The following BCL7A variants were observed in gnomAD, a reference collection of about 807,000 sequenced individuals.
BCL7A encodes the protein BAF chromatin remodeling complex subunit BCL7A.
Under a neutral mutation model 28.4 loss-of-function variants are expected in BCL7A, and 11 were observed. That is an observed-to-expected ratio of 0.39 (90% CI 0.24 to 0.64). The LOEUF (loss-of-function observed/expected upper bound fraction) is 0.64. BCL7A is among the 30% of genes least tolerant of loss of function. The pLI is 0.50. For synonymous variants in BCL7A, 123 were observed against 103.3 expected (o/e 1.19, Z -1.15); for missense variants, 222 against 274.8 (o/e 0.81, Z 1.36).
chr12:122,028,778 G>A lies in BCL7A; in HGVS notation c.93-1922G>A, dbSNP rs576328549. Among the ~76,000 whole-genome samples, 16 of 152,038 alleles carry A rather than the reference G, an allele frequency of 1.1e-4. 1 individual carries two copies. The South Asian group carries it at 1.7e-3, about 16-fold the overall frequency. On this transcript the variant is annotated intron_variant, in intron 1 of 5. Transcript: ENST00000261822. ...CTGTTGGGAATCCCAGGGAGAGAGG[G>A]TGTGTAAGTAGAGTGCTTGGCGTGG...
Position 122,043,869 on chromosome 12 carries a change from G to T in BCL7A, c.272-17G>T, listed in dbSNP as rs746847373. ...CTGTGGGATTTCATCCTGTGGTTCT[G>T]TTCCCACCCCCTACAGACGATAACA... On this transcript the variant is annotated splice_polypyrimidine_tract_variant and intron_variant, in intron 3 of 5. Transcript: ENST00000261822. 2.5e-6 allele frequency: 4 copies of T among 1,600,552 alleles called. No homozygotes were observed. The South Asian group carries it at 4.5e-5, about 18-fold the overall frequency.
chr12:122,029,855 G>A lies in BCL7A; in HGVS notation c.93-845G>A, dbSNP rs1450741383. Among the ~76,000 whole-genome samples the A allele has an allele frequency of 2.6e-5, 4 of 152,112 alleles. No homozygotes were observed. Among genetic ancestry groups the A allele is most frequent in the Admixed American group, 6.6e-5 (1 of 15,262 alleles). ...GAGGTGGCTGGCTGTAGCAATAATCGGAAAAATGACAGTGGCTCGGAGCAG... is the reference window on the plus strand; with the variant it reads ...GAGGTGGCTGGCTGTAGCAATAATCAGAAAAATGACAGTGGCTCGGAGCAG... On this transcript the variant is annotated intron_variant, in intron 1 of 5. Coordinates refer to ENST00000261822, the MANE Select transcript of BCL7A (RefSeq NM_001024808.3). The surrounding 1 kb of genome is among the most constrained non-coding windows in gnomAD (Gnocchi z 4.3).
intron 1 of BCL7A, among the ~76,000 whole-genome samples, chr12:122,025,966 A>AAAGAAG (rs1555222585): frequency 3.5e-5 from 4 of 112,902 alleles, no homozygotes; most frequent in Non-Finnish European, 5.3e-5. Flanking sequence ...AAAAAAAAAA[A>AAAGAAG]AAGAAGAAAG....
At chr12:122,058,342 G>A (rs1428037168) in intron 5 of BCL7A, among the ~76,000 whole-genome samples, 1 of 151,066 alleles carries the variant, frequency 6.6e-6, no homozygotes, top group Non-Finnish European at 1.5e-5. Context: ...TGGAGACATG[G>A]TGAAACCCTG....
chr12:122,027,252 T>C (rs912613348), intron 1 of BCL7A, among the ~76,000 whole-genome samples: 12 of 152,254 alleles, frequency 7.9e-5, no homozygotes, highest in African/African-American at 2.9e-4. Flanking sequence ...GAAGTCTGGA[T>C]TCTTATGCAA....
In BCL7A at chr12:122,025,782, C is replaced by T. The variant is rs200335204; in HGVS notation, c.92+3599C>T. Reference sequence around the variant, plus strand: ...CCAACATGGTGAAACCCTGTCTCTACTAAAAATACAAAAAATTAGCTGGAT... The same window carrying T: ...CCAACATGGTGAAACCCTGTCTCTATTAAAAATACAAAAAATTAGCTGGAT... On this transcript the variant is annotated intron_variant, in intron 1 of 5. Transcript: ENST00000261822. 2.7e-5 allele frequency among the ~76,000 whole-genome samples: 4 copies of T among 150,334 alleles called. No homozygotes were observed. The East Asian group carries it at 7.9e-4, about 30-fold the overall frequency.
At position 122,029,464 on chromosome 12, in the gene BCL7A, CA is replaced by C. The variant is rs1883696708; in HGVS notation, c.93-1229del. The stretch of plus-strand genomic sequence containing the variant: ...TAAGGCTGAGTTTGGGCAGAGAGGC[CA>C]AAAAAAGGTGCCAGGCAGCTCACGG... On this transcript the variant is annotated intron_variant, in intron 1 of 5. Coordinates refer to ENST00000261822, the MANE Select transcript of BCL7A (RefSeq NM_001024808.3). The surrounding 1 kb of genome is among the most constrained non-coding windows in gnomAD (Gnocchi z 4.3). 6.6e-6 allele frequency among the ~76,000 whole-genome samples: 1 copy of C among 151,950 alleles called. No individual in the cohort carries two copies. The highest frequency in any genetic ancestry group is 1.5e-5 in the Non-Finnish European group (1 of 67,960).
At chr12:122,023,299 G>A (rs569399958) in intron 1 of BCL7A, among the ~76,000 whole-genome samples, 3 of 152,310 alleles carry the variant, frequency 2.0e-5, no homozygotes, top group Admixed American at 6.5e-5. Context: ...CCGCCGCAAC[G>A]CTGGCTCTGA....
chr12:122,053,291 C>A (rs925514736), intron 4 of BCL7A, among the ~76,000 whole-genome samples: 1 of 152,316 alleles, frequency 6.6e-6, no homozygotes, highest in South Asian at 2.1e-4. Context: ...CCGCCGCGCC[C>A]GGCCAGGGCT....
At chr12:122,025,017 T>C (rs1883584970) in intron 1 of BCL7A, among the ~76,000 whole-genome samples, 1 of 143,222 alleles carries the variant, frequency 7.0e-6, no homozygotes, top group African/African-American at 2.6e-5. Context: ...GCAGGCTGCC[T>C]CCTGTTCTCT....
chr12:122,048,479 A>G (rs1201398175), intron 4 of BCL7A, among the ~76,000 whole-genome samples: 1 of 152,008 alleles, frequency 6.6e-6, no homozygotes, highest in Non-Finnish European at 1.5e-5. Flanking sequence ...GGCCGGGTGC[A>G]GTGGCTCATG....
intron 1 of BCL7A, among the ~76,000 whole-genome samples, chr12:122,024,462 G>GTT (rs59459424): frequency 0.01 from 890 of 88,702 alleles, 13 homozygotes; most frequent in African/African-American, 0.034. Context: ...GAGGTTTTTT[G>GTT]TTTTTTTTTT....
At chr12:122,049,033 A>T (rs373927960) in intron 4 of BCL7A, among the ~76,000 whole-genome samples, 9,986 of 57,230 alleles carry the variant, frequency 0.17, 393 homozygotes, top group Middle Eastern at 0.24. Flanking sequence ...AAAAAAAAAA[A>T]AAATATATAT....
intron 5 of BCL7A, among the ~76,000 whole-genome samples, chr12:122,055,816 C>A (rs1309825552): frequency 6.6e-6 from 1 of 152,210 alleles, no homozygotes; most frequent in Non-Finnish European, 1.5e-5. Context: ...ATGGGTTTCA[C>A]CATGTTGGCC....
At chr12:122,048,179 A>G (rs980807368) in intron 4 of BCL7A, among the ~76,000 whole-genome samples, 1 of 151,868 alleles carries the variant, frequency 6.6e-6, no homozygotes, top group African/African-American at 2.4e-5. Context: ...CTGGGATTAT[A>G]GGCGTGAGCC....
In BCL7A at chr12:122,029,232, A is replaced by G. The variant is rs939303730; in HGVS notation, c.93-1468A>G. 6.6e-6 allele frequency among the ~76,000 whole-genome samples: 1 copy of G among 152,178 alleles called. No individual in the cohort carries two copies. The highest frequency in any genetic ancestry group is 2.4e-5 in the African/African-American group (1 of 41,448). Reference sequence around the variant, plus strand: ...GAAGGCGCTAGGAATGGCCACTGGTATAATAAGAAAAGCCGGGCCGTAGCG... The same window carrying G: ...GAAGGCGCTAGGAATGGCCACTGGTGTAATAAGAAAAGCCGGGCCGTAGCG... On this transcript the variant is annotated intron_variant, in intron 1 of 5. Coordinates refer to ENST00000261822, the MANE Select transcript of BCL7A (RefSeq NM_001024808.3). The surrounding 1 kb of genome is among the most constrained non-coding windows in gnomAD (Gnocchi z 4.3).
intron 3 of BCL7A, 92 bp downstream of exon 3, chr12:122,035,519 C>T: frequency 8.1e-7 from 1 of 1,231,486 alleles, no homozygotes; most frequent in South Asian, 1.3e-5. Flanking sequence ...CAGGTTTGTT[C>T]ACATTCCAGG....
chr12:122,043,816 A>T, intron 3 of BCL7A, 70 bp from the exon 4 acceptor site: 2 of 1,476,872 alleles, frequency 1.4e-6, no homozygotes, highest in Non-Finnish European at 1.8e-6. Flanking sequence ...AGGGATGCTG[A>T]GCCCTCTGAC....
chr12:122,026,497 G>C (rs1047217920), intron 1 of BCL7A, among the ~76,000 whole-genome samples: 1 of 152,214 alleles, frequency 6.6e-6, no homozygotes, highest in Non-Finnish European at 1.5e-5. Context: ...CACCTGGTCT[G>C]AGGGTTCCCT....
Sources: allele counts gnomAD v4.1 joint callset (sites outside exome capture counted in the v4.1 genomes callset), GRCh38; gene constraint gnomAD v4.1.1; non-coding constraint Gnocchi (gnomAD v3.1); transcripts MANE v1.5; gene names NCBI Gene and HGNC (gene_info 2026-07-23, HGNC 2026-07-21).